CACNA1E: variants seen among roughly 807,000 people sequenced by gnomAD.
CACNA1E encodes the protein voltage-dependent R-type calcium channel subunit alpha-1E.
CACNA1E carries 40 observed loss-of-function variants against 259.2 expected under a neutral mutation model. The ratio of observed to expected loss-of-function variants is 0.15; its 90% confidence interval spans 0.12 to 0.20. The LOEUF is 0.20. Ranked by LOEUF, CACNA1E falls within the 10% of genes least tolerant of loss-of-function variation. The pLI is 1.00. For missense variants in CACNA1E, 1,874 were observed against 3,040.1 expected (o/e 0.62, Z 9.02); for synonymous variants, 1,104 against 1,138.5 (o/e 0.97, Z 0.61).
intron 1 of CACNA1E, among the ~76,000 whole-genome samples, chr1:181,365,227 A>G (rs1654180766): frequency 1.3e-5 from 2 of 152,286 alleles, no homozygotes; most frequent in Non-Finnish European, 2.9e-5. Flanking sequence ...GAGTGCAGTG[A>G]CGCGATCATG....
chr1:181,747,405 C>T (rs1657186695), intron 25 of CACNA1E, among the ~76,000 whole-genome samples: 1 of 150,960 alleles, frequency 6.6e-6, no homozygotes, highest in Non-Finnish European at 1.5e-5. Context: ...GACAATTGAG[C>T]TGGAAAATTC....
At chr1:181,751,537 CCCAGTGAGAGTGTCATGTCTGCCA>C (rs752301248) in intron 26 of CACNA1E, among the ~76,000 whole-genome samples, 9 of 152,186 alleles carry the variant, frequency 5.9e-5, no homozygotes, top group Non-Finnish European at 1.2e-4. Context: ...GAACACGTGG[CCCAGTGAGAGTGTCATGTCTGCCA>C]CCCTGCCTCA....
At chr1:181,462,007 T>C (rs1238205772) in intron 2 of CACNA1E, among the ~76,000 whole-genome samples, 5 of 152,172 alleles carry the variant, frequency 3.3e-5, no homozygotes, top group Admixed American at 2.6e-4. Context: ...AGGGTGCACA[T>C]CTTGCTTTTG....
intron 6 of CACNA1E, among the ~76,000 whole-genome samples, chr1:181,608,169 G>A (rs1654408377): frequency 6.6e-6 from 1 of 152,148 alleles, no homozygotes; most frequent in Non-Finnish European, 1.5e-5. Flanking sequence ...AGTTTGTAGG[G>A]CCTCACATCT....
chr1:181,516,813 C>T (rs1403139663), intron 3 of CACNA1E, among the ~76,000 whole-genome samples: 1 of 152,202 alleles, frequency 6.6e-6, no homozygotes, highest in East Asian at 1.9e-4. Flanking sequence ...CCTAAGAAAA[C>T]CCCCAAATCA....
At chr1:181,322,868 CA>C (rs1442244067) in intron 1 of CACNA1E, among the ~76,000 whole-genome samples, 11 of 152,188 alleles carry the variant, frequency 7.2e-5, no homozygotes, top group Admixed American at 4.6e-4. Flanking sequence ...TTGGTAGTGA[CA>C]GCAGCAGCTG....
chr1:181,473,627 T>G (rs1238184490), intron 2 of CACNA1E, among the ~76,000 whole-genome samples: 2 of 152,250 alleles, frequency 1.3e-5, no homozygotes, highest in South Asian at 4.1e-4. Context: ...CCTCCTGGTG[T>G]TGTTTCCACC....
At chr1:181,329,678 C>G (rs1328387471) in intron 1 of CACNA1E, among the ~76,000 whole-genome samples, 2 of 152,216 alleles carry the variant, frequency 1.3e-5, no homozygotes, top group African/African-American at 4.8e-5. Flanking sequence ...TTCTGTCTCA[C>G]AGACAACTGC....
At chr1:181,633,843 TATC>T (rs1307006688) in intron 6 of CACNA1E, among the ~76,000 whole-genome samples, 1 of 152,210 alleles carries the variant, frequency 6.6e-6, no homozygotes. Context: ...TGATAGGAAT[TATC>T]ATTCCCATTG....
chr1:181,717,882 T>C (rs1249218346), intron 11 of CACNA1E, among the ~76,000 whole-genome samples, 173 bp from the exon 12 acceptor site: 2 of 152,214 alleles, frequency 1.3e-5, no homozygotes, highest in Non-Finnish European at 2.9e-5. Flanking sequence ...GGACTCGGCC[T>C]GGGTCAGAGG....
At chr1:181,429,586 A>G (rs1303743223) in intron 2 of CACNA1E, among the ~76,000 whole-genome samples, 1 of 152,194 alleles carries the variant, frequency 6.6e-6, no homozygotes, top group Non-Finnish European at 1.5e-5. Flanking sequence ...GCCTGGGCAC[A>G]TCTCTTAACC....
rs1654165271 is a variant in CACNA1E at position 181,605,655 on chromosome 1, C to T, written c.951+24879C>T. 2.6e-5 allele frequency among the ~76,000 whole-genome samples: 4 copies of T among 152,312 alleles called. No homozygotes were observed. In the South Asian group the frequency reaches 8.3e-4, roughly 32 times the overall value. On this transcript the variant is annotated intron_variant, in intron 6 of 47. Coordinates refer to ENST00000367573, the MANE Select transcript of CACNA1E (RefSeq NM_001205293.3). ...TGCAGCTATTTCTGACACCCCCCAG[C>T]AGCCCTCAGAGCAACCTCTGCCACT...
intron 22 of CACNA1E, 21 bp from the exon 23 acceptor site, chr1:181,737,503 CA>C: frequency 6.2e-7 from 1 of 1,612,786 alleles, no homozygotes; most frequent in Non-Finnish European, 8.5e-7. Context: ...TGGGCCAGCT[CA>C]GCCATGCCCA....
intron 1 of CACNA1E, among the ~76,000 whole-genome samples, chr1:181,325,422 C>A (rs757539622): frequency 1.3e-4 from 20 of 152,140 alleles, no homozygotes; most frequent in Non-Finnish European, 1.8e-4. Flanking sequence ...GGAAGAACAT[C>A]CTGTCCCAAG....
intron 35 of CACNA1E, among the ~76,000 whole-genome samples, chr1:181,768,223 T>C (rs1659193002): frequency 6.6e-6 from 1 of 152,220 alleles, no homozygotes; most frequent in African/African-American, 2.4e-5. Flanking sequence ...TTGTTGATTC[T>C]GATAATGGTG....
chr1:181,477,147 G>A (rs1662908787), intron 2 of CACNA1E, among the ~76,000 whole-genome samples: 1 of 150,628 alleles, frequency 6.6e-6, no homozygotes, highest in Non-Finnish European at 1.5e-5. Context: ...CTTGTGTACT[G>A]CCCCCCTCCC....
intron 38 of CACNA1E, among the ~76,000 whole-genome samples, chr1:181,780,913 A>G (rs1031495869): frequency 2.6e-5 from 4 of 152,160 alleles, no homozygotes; most frequent in African/African-American, 9.7e-5. Context: ...TCAGTGGAGA[A>G]CAGCCTGACT....
chr1:181,579,429 A>G (rs1208889307), intron 5 of CACNA1E, among the ~76,000 whole-genome samples: 1 of 152,198 alleles, frequency 6.6e-6, no homozygotes, highest in Non-Finnish European at 1.5e-5. Context: ...CAAAGCAAAT[A>G]TGTAGTTGGA....
intron 17 of CACNA1E, among the ~76,000 whole-genome samples, chr1:181,725,317 C>T (rs1654800926): frequency 6.6e-6 from 1 of 152,216 alleles, no homozygotes; most frequent in East Asian, 1.9e-4. Flanking sequence ...GAGTCCCACA[C>T]CTGCCATTGG....
Sources: gnomAD v4.1 joint callset for allele counts (sites outside exome capture counted in the v4.1 genomes callset) on GRCh38, gnomAD v4.1.1 for gene constraint, MANE v1.5 for transcripts, NCBI Gene and HGNC (gene_info 2026-07-23, HGNC 2026-07-21) for gene names.